NTN1: variants seen among roughly 807,000 people sequenced by gnomAD.
NTN1 encodes netrin 1.
NTN1 carries 11 observed loss-of-function variants against 54.2 expected under a neutral mutation model. The observed-to-expected ratio is 0.20, with a 90% CI of 0.13 to 0.34. The LOEUF is 0.34. Among genes scored for constraint, NTN1 ranks in the 10% least tolerant of loss-of-function variants. The pLI, the probability that NTN1 is intolerant of heterozygous loss-of-function variation, is 1.00. For missense variants in NTN1, 740 were observed against 893.1 expected (o/e 0.83, Z 2.18); for synonymous variants, 371 against 382.0 (o/e 0.97, Z 0.33).
At chr17:9,022,149 C>T (rs937140732) in intron 1 of NTN1, among the ~76,000 whole-genome samples, 162 bp from the exon 2 acceptor site, 14 of 152,242 alleles carry the variant, frequency 9.2e-5, no homozygotes, top group Admixed American at 2.0e-4. Context: ...TGGAGGGCCC[C>T]GGCTTCGCCG....
chr17:9,128,144 AAAT>A lies in NTN1; in HGVS notation c.1019-34657_1019-34655del, dbSNP rs1275517381. ...AAAATAAATAAATAAATAAATAAAT[AAAT>A]AATAATAATAAAGTGAGCTGGGTGT... On this transcript the variant is annotated intron_variant, in intron 2 of 6. Transcript: ENST00000173229. 7.4e-5 allele frequency among the ~76,000 whole-genome samples: 11 copies of A among 148,936 alleles called. 1 individual carries two copies. Among genetic ancestry groups the A allele is most frequent in the East Asian group, 3.9e-4 (2 of 5,106 alleles).
chr17:9,137,425 C>T (rs951618338), intron 2 of NTN1, among the ~76,000 whole-genome samples: 2 of 152,224 alleles, frequency 1.3e-5, no homozygotes, highest in East Asian at 1.9e-4. Context: ...AAGATTGTGG[C>T]GTGAATGAAT....
chr17:9,238,452 C>A (rs560169172), intron 6 of NTN1, among the ~76,000 whole-genome samples: 9 of 152,104 alleles, frequency 5.9e-5, no homozygotes, highest in Non-Finnish European at 1.3e-4. Flanking sequence ...ATGGCTGTTT[C>A]TCTTGAACAG....
At chr17:9,041,694 A>C (rs1045058778) in intron 2 of NTN1, among the ~76,000 whole-genome samples, 1 of 152,106 alleles carries the variant, frequency 6.6e-6, no homozygotes, top group Non-Finnish European at 1.5e-5. Flanking sequence ...TCTACCTAGC[A>C]GTGGAATTGT....
chr17:9,017,428 T>C (rs755295328), upstream of NTN1, among the ~76,000 whole-genome samples: 5 of 152,162 alleles, frequency 3.3e-5, no homozygotes, highest in Non-Finnish European at 5.9e-5. Context: ...TCTTGACCTT[T>C]AAGGCATGTG....
At position 9,182,896 on chromosome 17, in the gene NTN1, C is replaced by T. The variant is rs748153880; in HGVS notation, c.1358-20C>T. On this transcript the variant is annotated intron_variant, in intron 4 of 6. Coordinates refer to ENST00000173229, the MANE Select transcript of NTN1 (RefSeq NM_004822.3). ...CTTGTTTTCTCTCCTCCCCTCGCCC[C>T]CGTCTTGAACCTCACAAAGAGATCC... 1.2e-6 allele frequency: 2 copies of T among 1,613,950 alleles called. No individual in the cohort carries two copies. The highest frequency in any genetic ancestry group is 2.2e-5 in the South Asian group (2 of 91,082).
At chr17:9,079,227 C>A (rs1461413232) in intron 2 of NTN1, among the ~76,000 whole-genome samples, 1 of 152,228 alleles carries the variant, frequency 6.6e-6, no homozygotes, top group East Asian at 1.9e-4. Flanking sequence ...AACCCTGCTC[C>A]AGGGTGGTGG....
chr17:9,206,228 G>T (rs2142342168), intron 5 of NTN1, among the ~76,000 whole-genome samples: 1 of 152,334 alleles, frequency 6.6e-6, no homozygotes, highest in Middle Eastern at 3.4e-3. Flanking sequence ...CAGTCAGGAG[G>T]GCTTTTTGCA....
intron 2 of NTN1, among the ~76,000 whole-genome samples, chr17:9,076,333 A>G (rs1449626669): frequency 6.6e-6 from 1 of 152,182 alleles, no homozygotes; most frequent in East Asian, 1.9e-4. Context: ...ATGCCTGGAC[A>G]TGTCCCCTTT....
the NTN1 span, among the ~76,000 whole-genome samples, chr17:9,014,165 G>A: frequency 6.6e-6 from 1 of 152,180 alleles, no homozygotes; most frequent in Non-Finnish European, 1.5e-5. Context: ...AGATTGGCCT[G>A]CTCCCCATGT....
At chr17:9,026,269 CTA>C (rs2091870165) in intron 2 of NTN1, among the ~76,000 whole-genome samples, 2 of 151,820 alleles carry the variant, frequency 1.3e-5, no homozygotes, top group Admixed American at 1.3e-4. Flanking sequence ...TGCACATATC[CTA>C]TATGTTTTCT....
chr17:9,076,128 G>A lies in NTN1; in HGVS notation c.1018+52737G>A, dbSNP rs369793884. 1.1e-4 allele frequency among the ~76,000 whole-genome samples: 17 copies of A among 152,318 alleles called. No individual in the cohort carries two copies. In the South Asian group the frequency reaches 3.5e-3, roughly 32 times the overall value. ...CTGATTTGAGAACCTGACCCCTGTGGAAGACGCACAACCCTACTGTGTGCC... is the reference window on the plus strand; with the variant it reads ...CTGATTTGAGAACCTGACCCCTGTGAAAGACGCACAACCCTACTGTGTGCC... On this transcript the variant is annotated intron_variant, in intron 2 of 6. Coordinates refer to ENST00000173229, the MANE Select transcript of NTN1 (RefSeq NM_004822.3).
chr17:9,039,754 CT>C (rs1403312745), intron 2 of NTN1, among the ~76,000 whole-genome samples: 1 of 152,112 alleles, frequency 6.6e-6, no homozygotes, highest in South Asian at 2.1e-4. Flanking sequence ...TACGTGTGGT[CT>C]GGTTTCTTTC....
chr17:9,198,106 A>T (rs1567736095), intron 5 of NTN1, among the ~76,000 whole-genome samples: 1 of 152,096 alleles, frequency 6.6e-6, no homozygotes. Flanking sequence ...CGAGACAGGG[A>T]TTCTTGTGTG....
upstream of NTN1, among the ~76,000 whole-genome samples, chr17:9,018,707 T>C (rs1010221690): frequency 2.6e-5 from 4 of 151,814 alleles, no homozygotes; most frequent in Non-Finnish European, 5.9e-5. Context: ...AATCCAGTCT[T>C]GTAGATGCTC....
At chr17:9,051,197 G>GT (rs1236206107) in intron 2 of NTN1, among the ~76,000 whole-genome samples, 1 of 152,198 alleles carries the variant, frequency 6.6e-6, no homozygotes, top group Non-Finnish European at 1.5e-5. Flanking sequence ...AACAAAAAGG[G>GT]TTTGCAGACA....
intron 2 of NTN1, among the ~76,000 whole-genome samples, chr17:9,088,068 G>A (rs1328068784): frequency 1.3e-5 from 2 of 152,180 alleles, no homozygotes; most frequent in African/African-American, 2.4e-5. Flanking sequence ...GAGCTGAGAC[G>A]CATACTGCTG....
intron 2 of NTN1, among the ~76,000 whole-genome samples, chr17:9,037,436 G>T (rs181272062): frequency 3.3e-5 from 5 of 152,018 alleles, no homozygotes; most frequent in Non-Finnish European, 7.4e-5. Flanking sequence ...TTGGGATTTC[G>T]TGGAAATCCC....
In NTN1 at chr17:9,162,335, A is replaced by G. The variant is rs147278391; in HGVS notation, c.1019-478A>G. 4.3e-3 allele frequency among the ~76,000 whole-genome samples: 660 copies of G among 152,336 alleles called. 5 individuals carry two copies. Among genetic ancestry groups the G allele is most frequent in the African/African-American group, 0.015 (628 of 41,582 alleles). ...TCACAGTTCTGCAGCCTGGAAGTCC[A>G]AGATCAAGGTGTTGGCAGGGTTGGT... On this transcript the variant is annotated intron_variant, in intron 2 of 6. Coordinates refer to ENST00000173229, the MANE Select transcript of NTN1 (RefSeq NM_004822.3).
Sources: gnomAD v4.1 joint callset for allele counts (sites outside exome capture counted in the v4.1 genomes callset) on GRCh38, gnomAD v4.1.1 for gene constraint, MANE v1.5 for transcripts, NCBI Gene and HGNC (gene_info 2026-07-23, HGNC 2026-07-21) for gene names.